Variants in CMTM8 observed in about 807,000 individuals in gnomAD.
CMTM8 encodes CKLF like MARVEL transmembrane domain containing 8, also known as CKLF-like MARVEL transmembrane domain-containing protein 8.
Under a neutral mutation model 18.6 loss-of-function variants are expected in CMTM8, and 12 were observed. The observed-to-expected ratio is 0.65, with a 90% CI of 0.41 to 1.05. The LOEUF (loss-of-function observed/expected upper bound fraction) is 1.05, where lower values mean the gene tolerates loss of function less well. Ranked by LOEUF, CMTM8 falls within the 50% of genes least tolerant of loss-of-function variation. CMTM8 has a pLI of 0.00. For synonymous variants in CMTM8, 87 were observed against 90.6 expected (o/e 0.96, Z 0.23); for missense variants, 217 against 227.2 (o/e 0.95, Z 0.29).
chr3:32,318,728 G>A (rs558993752), intron 1 of CMTM8, among the ~76,000 whole-genome samples: 2 of 151,628 alleles, frequency 1.3e-5, no homozygotes, highest in African/African-American at 4.8e-5. Context: ...CACCACGCCT[G>A]GCTAATTTTT....
intron 1 of CMTM8, among the ~76,000 whole-genome samples, chr3:32,278,919 G>A (rs1423420092): frequency 6.6e-6 from 1 of 152,082 alleles, no homozygotes; most frequent in Non-Finnish European, 1.5e-5. Context: ...TGGAAACGTG[G>A]CTAAATTGGC....
intron 2 of CMTM8, among the ~76,000 whole-genome samples, chr3:32,360,756 G>C (rs996818433): frequency 6.6e-6 from 1 of 152,236 alleles, no homozygotes; most frequent in African/African-American, 2.4e-5. Flanking sequence ...CCCTGGACCA[G>C]CAGCATCACT....
intron 1 of CMTM8, among the ~76,000 whole-genome samples, chr3:32,305,755 T>C (rs1695704324): frequency 6.6e-6 from 1 of 152,210 alleles, no homozygotes; most frequent in South Asian, 2.1e-4. Context: ...AGGCCTCTTA[T>C]TGTTTCCTCA....
In CMTM8 at chr3:32,370,098, A is replaced by G; in HGVS notation, c.*131A>G. Reference sequence around the variant, plus strand: ...GTTTTTTATATTCTTAAATTTGCTCACAAATTGTGGTTTGTTACAATTAAA... The same window carrying G: ...GTTTTTTATATTCTTAAATTTGCTCGCAAATTGTGGTTTGTTACAATTAAA... On this transcript the variant is annotated 3_prime_UTR_variant, in exon 4 of 4. Coordinates refer to ENST00000307526, the MANE Select transcript of CMTM8 (RefSeq NM_178868.5). 1 of 497,810 alleles carries G rather than the reference A, an allele frequency of 2.0e-6. No individual in the cohort carries two copies. The highest frequency in any genetic ancestry group is 3.4e-6 in the Non-Finnish European group (1 of 290,064). 30.8% of individuals were successfully genotyped at this position (497,810 alleles called of 1,614,324 possible).
chr3:32,267,197 G>A (rs1182023936), intron 1 of CMTM8, among the ~76,000 whole-genome samples: 3 of 152,128 alleles, frequency 2.0e-5, no homozygotes, highest in African/African-American at 2.4e-5. Flanking sequence ...CTGACTTCAA[G>A]CTATCCTACA....
intron 1 of CMTM8, among the ~76,000 whole-genome samples, chr3:32,349,598 C>T (rs757237158): frequency 6.6e-6 from 1 of 152,100 alleles, no homozygotes; most frequent in Non-Finnish European, 1.5e-5. Flanking sequence ...TTTTTGATTG[C>T]CATTAAGAGT....
Position 32,357,506 on chromosome 3 carries a change from T to C in CMTM8, c.281T>C (p.Met94Thr), listed in dbSNP as rs1455772655. 6.2e-7 allele frequency: 1 copy of C among 1,613,812 alleles called. No homozygotes were observed. Reference protein sequence around the residue: ...TVFFLIIYITMTYTRIPQVPW... With the variant: ...TVFFLIIYITTTYTRIPQVPW... ...TTCTTCCTCATTATCTACATAACAATGACCTACACCAGGATTCCCCAGGTG... is the reference window on the plus strand; with the variant it reads ...TTCTTCCTCATTATCTACATAACAACGACCTACACCAGGATTCCCCAGGTG... Residue 94 changes from methionine (M) to threonine (T), a missense_variant, in exon 2 of 4, where the codon ATG (methionine) becomes ACG (threonine). Coordinates refer to ENST00000307526, the MANE Select transcript of CMTM8 (RefSeq NM_178868.5).
chr3:32,288,219 G>A (rs1185193455), intron 1 of CMTM8, among the ~76,000 whole-genome samples: 3 of 152,150 alleles, frequency 2.0e-5, no homozygotes, highest in African/African-American at 7.2e-5. Context: ...TGCTCTCAAG[G>A]AGCTTACAAC....
intron 1 of CMTM8, among the ~76,000 whole-genome samples, chr3:32,337,471 CT>C (rs1696410014): frequency 6.6e-6 from 1 of 152,172 alleles, no homozygotes. Flanking sequence ...TGCAGCTTTA[CT>C]TAATGGTGAC....
chr3:32,333,708 G>T (rs933993961), intron 1 of CMTM8, among the ~76,000 whole-genome samples: 7 of 151,204 alleles, frequency 4.6e-5, no homozygotes, highest in Admixed American at 4.6e-4. Flanking sequence ...GGTTAGAAAT[G>T]ATGCAGGTGA....
intron 1 of CMTM8, among the ~76,000 whole-genome samples, chr3:32,344,540 C>G (rs959131326): frequency 1.3e-5 from 2 of 152,186 alleles, no homozygotes; most frequent in African/African-American, 4.8e-5. Context: ...GAATTGCTGT[C>G]ACAAAGCTCA....
At position 32,336,209 on chromosome 3, in the gene CMTM8, C is replaced by T. The variant is rs772673440; in HGVS notation, c.148-21164C>T. 5.3e-5 allele frequency among the ~76,000 whole-genome samples: 8 copies of T among 152,220 alleles called. No individual in the cohort carries two copies. In the South Asian group the frequency reaches 1.7e-3, roughly 32 times the overall value. ...CATCTGAACCTTTTTGTGTGATGTC[C>T]CTCCCTCCCCCACCTTCCTCCCTAG... On this transcript the variant is annotated intron_variant, in intron 1 of 3. Transcript: ENST00000307526.
intron 1 of CMTM8, among the ~76,000 whole-genome samples, chr3:32,298,441 T>TCC (rs1559373245): frequency 1.4e-4 from 21 of 147,232 alleles, no homozygotes; most frequent in East Asian, 1.2e-3. Context: ...TACCCCCCTT[T>TCC]TTTTTTTTTT....
At chr3:32,352,575 A>G (rs1287232301) in intron 1 of CMTM8, among the ~76,000 whole-genome samples, 1 of 152,228 alleles carries the variant, frequency 6.6e-6, no homozygotes, top group African/African-American at 2.4e-5. Context: ...CTCTCACAGT[A>G]TTGAGCAACA....
intron 1 of CMTM8, among the ~76,000 whole-genome samples, chr3:32,297,412 T>G (rs1005662209): frequency 6.6e-6 from 1 of 152,222 alleles, no homozygotes; most frequent in Non-Finnish European, 1.5e-5. Flanking sequence ...ACTCCTGACC[T>G]CAGGTGATCC....
intron 1 of CMTM8, among the ~76,000 whole-genome samples, chr3:32,314,920 ATT>A (rs57097289): frequency 0.87 from 131,766 of 151,522 alleles, 57,302 homozygotes; most frequent in East Asian, 0.96. Flanking sequence ...ACAGATCTTT[ATT>A]TTTTTTTTGC....
intron 1 of CMTM8, among the ~76,000 whole-genome samples, chr3:32,287,884 G>A (rs1214126310): frequency 6.6e-6 from 1 of 152,042 alleles, no homozygotes; most frequent in Non-Finnish European, 1.5e-5. Flanking sequence ...AAAGAATCTG[G>A]AAATATGTTC....
At chr3:32,311,828 A>G (rs1051517249) in intron 1 of CMTM8, among the ~76,000 whole-genome samples, 6 of 152,144 alleles carry the variant, frequency 3.9e-5, no homozygotes, top group East Asian at 1.9e-4. Flanking sequence ...TCAAACGCCA[A>G]TTGCAAGTAG....
intron 1 of CMTM8, among the ~76,000 whole-genome samples, chr3:32,334,939 C>G (rs1696358621): frequency 6.6e-6 from 1 of 152,124 alleles, no homozygotes; most frequent in Admixed American, 6.5e-5. Flanking sequence ...GGCCAAGGGT[C>G]TCCTGCTCTC....
Sources: gnomAD v4.1 joint callset for allele counts (sites outside exome capture counted in the v4.1 genomes callset) on GRCh38, gnomAD v4.1.1 for gene constraint, MANE v1.5 for transcripts, NCBI Gene and HGNC (gene_info 2026-07-23, HGNC 2026-07-21) for gene names.